The following PIGX variants were observed in gnomAD, a reference collection of about 807,000 sequenced individuals.
The protein encoded by PIGX is GPI alpha-1,4-mannosyltransferase I, stabilizing subunit.
In PIGX, 24 loss-of-function variants were observed where a neutral mutation model predicts 28.7. The observed-to-expected ratio is 0.84, with a 90% CI of 0.60 to 1.17. The LOEUF is 1.17. PIGX is among the 50% of genes most tolerant of loss of function. The pLI is 0.00. For synonymous variants in PIGX, 127 were observed against 121.0 expected, an observed-to-expected ratio of 1.05 and a Z score of -0.33; for missense variants, 305 against 317.8, an observed-to-expected ratio of 0.96 and a Z score of 0.31.
In PIGX at chr3:196,716,855, T is replaced by G; in HGVS notation, c.113-3T>G. 6.4e-7 allele frequency: 1 copy of G among 1,563,256 alleles called. No individual in the cohort carries two copies. Among genetic ancestry groups the G allele is most frequent in the Non-Finnish European group, 8.7e-7 (1 of 1,144,150 alleles). On this transcript the variant is annotated splice_polypyrimidine_tract_variant and splice_region_variant and intron_variant, in intron 1 of 5. Coordinates refer to ENST00000392391, the MANE Select transcript of PIGX (RefSeq NM_017861.4). ...TTAAAAAAAAATCGTTTGGTTCTTA[T>G]AGGCATAAGGGCCATGTGTTCTGAA...
intron 3 of PIGX, among the ~76,000 whole-genome samples, chr3:196,727,311 T>C (rs116562642): frequency 0.01 from 1,531 of 152,364 alleles, 25 homozygotes; most frequent in African/African-American, 0.035. Flanking sequence ...CTGCCACATG[T>C]ACATTTTCAC....
intron 1 of PIGX, among the ~76,000 whole-genome samples, chr3:196,716,220 A>C (rs1393256192): frequency 6.6e-6 from 1 of 152,036 alleles, no homozygotes; most frequent in African/African-American, 2.4e-5. Context: ...GCTTATTCTA[A>C]GTTTACAGTG....
intron 3 of PIGX, 28 bp downstream of exon 3, chr3:196,722,584 G>A: frequency 1.1e-5 from 18 of 1,597,320 alleles, no homozygotes; most frequent in Non-Finnish European, 1.5e-5. Context: ...TTTTTTGGGA[G>A]AGAAATTAAT....
chr3:196,734,027 T>C lies in PIGX; in HGVS notation c.*125T>C. On this transcript the variant is annotated 3_prime_UTR_variant, in exon 6 of 6. Coordinates refer to ENST00000392391, the MANE Select transcript of PIGX (RefSeq NM_017861.4). ...CATTTGTGGCCAAAATTATGTTTAC[T>C]AGAGGAAATTTGGGATCATTCTCAG... The C allele has an allele frequency of 9.1e-6, 6 of 657,698 alleles. No homozygotes were observed. Among genetic ancestry groups the C allele is most frequent in the Non-Finnish European group, 1.3e-5 (5 of 383,286 alleles). 40.7% of individuals were successfully genotyped at this position (657,698 alleles called of 1,614,324 possible).
At chr3:196,726,475 A>C (rs993009630) in intron 3 of PIGX, among the ~76,000 whole-genome samples, 5 of 152,222 alleles carry the variant, frequency 3.3e-5, no homozygotes, top group Non-Finnish European at 5.9e-5. Context: ...CAAAAAATAA[A>C]ATAGTAGTAC....
chr3:196,730,292 TTCTG>T (rs1712695681), intron 4 of PIGX, among the ~76,000 whole-genome samples: 1 of 152,216 alleles, frequency 6.6e-6, no homozygotes. Context: ...GATTCTGATA[TTCTG>T]TCTTTTTATC....
chr3:196,727,782 A>T (rs1456570710), intron 3 of PIGX, 141 bp from the exon 4 acceptor site: 16 of 502,644 alleles, frequency 3.2e-5, no homozygotes, highest in Non-Finnish European at 4.6e-5. Context: ...AAAATTGAGG[A>T]TGGAAGGGGA....
intron 1 of PIGX, among the ~76,000 whole-genome samples, chr3:196,713,937 T>C (rs9850649): frequency 0.41 from 62,658 of 151,740 alleles, 13,169 homozygotes; most frequent in East Asian, 0.56. Flanking sequence ...AAATTCACAT[T>C]CAACAAATTC....
chr3:196,712,531 T>A lies in PIGX; in HGVS notation c.-2T>A. 1 of 1,165,628 alleles carries A rather than the reference T, an allele frequency of 8.6e-7. No individual in the cohort carries two copies. The highest frequency in any genetic ancestry group is 1.1e-6 in the Non-Finnish European group (1 of 944,850). The allele number at this position is 1,165,628 out of a possible 1,614,324, so 72.2% of individuals were successfully genotyped here. A position where few individuals can be genotyped will look rare whatever the true frequency, so the allele number is the denominator to read the frequency against. ...CCTCTCGGGCGTCCGGCTTCCGGCGTCCTGGCGGCTCGGGTGGCGGCGGTT... is the reference window on the plus strand; with the variant it reads ...CCTCTCGGGCGTCCGGCTTCCGGCGACCTGGCGGCTCGGGTGGCGGCGGTT... On this transcript the variant is annotated 5_prime_UTR_variant, in exon 1 of 6. Coordinates refer to ENST00000392391, the MANE Select transcript of PIGX (RefSeq NM_017861.4).
intron 2 of PIGX, among the ~76,000 whole-genome samples, chr3:196,720,038 G>A (rs1239791621): frequency 6.6e-6 from 1 of 152,176 alleles, no homozygotes; most frequent in South Asian, 2.1e-4. Context: ...TCGGCCTCCC[G>A]AAGTGTGGGG....
chr3:196,712,910 A>G, intron 1 of PIGX: 1 of 1,041,786 alleles, frequency 9.6e-7, no homozygotes, highest in South Asian at 4.6e-5. Flanking sequence ...TCTGAGAAGG[A>G]AAGTCAGCCG....
Position 196,715,077 on chromosome 3 carries a change from A to T in PIGX, c.113-1781A>T, listed in dbSNP as rs567769746. Among the ~76,000 whole-genome samples, 29 of 152,260 alleles carry T rather than the reference A, an allele frequency of 1.9e-4. 1 individual carries two copies. The highest frequency in any genetic ancestry group is 3.9e-4 in the East Asian group (2 of 5,184). On this transcript the variant is annotated intron_variant, in intron 1 of 5. Coordinates refer to ENST00000392391, the MANE Select transcript of PIGX (RefSeq NM_017861.4). The stretch of plus-strand genomic sequence containing the variant: ...GCAACAGAGTGAGACTCCGTCTCAA[A>T]AAATAAATAAATAAATAAATAAAAA...
chr3:196,725,659 T>C (rs779400077), intron 3 of PIGX, among the ~76,000 whole-genome samples: 1 of 152,166 alleles, frequency 6.6e-6, no homozygotes, highest in Non-Finnish European at 1.5e-5. Context: ...GTGTATATGT[T>C]AGGAAACTAC....
Position 196,722,509 on chromosome 3 carries a change from G to A in PIGX, c.271G>A (p.Val91Met). The A allele has an allele frequency of 1.2e-6, 2 of 1,613,722 alleles. No individual in the cohort carries two copies. Among genetic ancestry groups the A allele is most frequent in the Non-Finnish European group, 1.7e-6 (2 of 1,179,650 alleles). Residue 91 changes from valine (V) to methionine (M), a missense_variant, in exon 3 of 6, where the codon GTG (valine) becomes ATG (methionine). Coordinates refer to ENST00000392391, the MANE Select transcript of PIGX (RefSeq NM_017861.4). Reference sequence around the variant, plus strand: ...ACAGGACATTCCTGCAGGACTTTATGTGGATCCGTATGAGTTGGCTTCATT... The same window carrying A: ...ACAGGACATTCCTGCAGGACTTTATATGGATCCGTATGAGTTGGCTTCATT...
At chr3:196,719,709 G>A (rs1712237548) in intron 2 of PIGX, among the ~76,000 whole-genome samples, 1 of 151,312 alleles carries the variant, frequency 6.6e-6, no homozygotes, top group South Asian at 2.1e-4. Context: ...ACAATATATT[G>A]TTACTGGTTT....
chr3:196,713,001 G>A, intron 1 of PIGX: 1 of 992,290 alleles, frequency 1.0e-6, no homozygotes, highest in Non-Finnish European at 1.2e-6. Context: ...GCCCTGTGAG[G>A]CCTGAGAATC....
chr3:196,725,915 A>C (rs968540822), intron 3 of PIGX, among the ~76,000 whole-genome samples: 5 of 152,230 alleles, frequency 3.3e-5, no homozygotes, highest in African/African-American at 1.2e-4. Context: ...AACTTTTTCT[A>C]AGTAACTTAT....
chr3:196,714,333 G>A (rs1049867331), intron 1 of PIGX, among the ~76,000 whole-genome samples: 13 of 152,284 alleles, frequency 8.5e-5, no homozygotes, highest in African/African-American at 2.9e-4. Flanking sequence ...GTGTGGTGGC[G>A]TGGGCCTATA....
At position 196,735,366 on chromosome 3, in the gene PIGX, C is replaced by T. The variant is rs1712969514; in HGVS notation, c.*1464C>T. On this transcript the variant is annotated 3_prime_UTR_variant, in exon 6 of 6. Transcript: ENST00000392391. ...GGCAAGCATGTTCCAAAACAGAAGA[C>T]ATCAAACCAGGGTGTGTTGGCATTA... 1 of 126,524 alleles carries T rather than the reference C, an allele frequency of 7.9e-6. No homozygotes were observed. Among genetic ancestry groups the T allele is most frequent in the African/African-American group, 3.0e-5 (1 of 33,824 alleles). The allele number at this position is 126,524 out of a possible 1,614,324, so 7.8% of individuals were successfully genotyped here.
Sources: gnomAD v4.1 joint callset for allele counts (sites outside exome capture counted in the v4.1 genomes callset) on GRCh38, gnomAD v4.1.1 for gene constraint, MANE v1.5 for transcripts, NCBI Gene and HGNC (gene_info 2026-07-23, HGNC 2026-07-21) for gene names.